Variants in C1orf87 observed in about 807,000 individuals in gnomAD.
C1orf87 encodes uncharacterized protein C1orf87.
A neutral mutation model predicts 60.5 loss-of-function variants in C1orf87; 58 were observed. The observed-to-expected ratio is 0.96, with a 90% confidence interval of 0.78 to 1.19. C1orf87 has a LOEUF of 1.19. Among genes scored for constraint, C1orf87 ranks in the 50% most tolerant of loss-of-function variants. The probability of loss-of-function intolerance (pLI) is 0.00; values close to 1 mark genes in which losing one functional copy is unlikely to be tolerated. For synonymous variants in C1orf87, 236 were observed against 227.4 expected (o/e 1.04, Z -0.34); for missense variants, 673 against 638.6 (o/e 1.05, Z -0.58).
intron 11 of C1orf87, among the ~76,000 whole-genome samples, chr1:59,993,007 T>C (rs1220923149): frequency 6.6e-6 from 1 of 152,206 alleles, no homozygotes; most frequent in African/African-American, 2.4e-5. Context: ...TGTCTAGCTT[T>C]GCTTCCTCTG....
intron 3 of C1orf87, among the ~76,000 whole-genome samples, chr1:60,042,559 G>A (rs542613637): frequency 6.6e-6 from 1 of 152,318 alleles, no homozygotes; most frequent in African/African-American, 2.4e-5. Context: ...ATGACAGAGA[G>A]TTCTGAATAG....
rs1447944930 is a variant in C1orf87, at chr1:60,014,562, C to A, written c.1128-4106G>T. Among the ~76,000 whole-genome samples the A allele has an allele frequency of 3.3e-5, 5 of 151,932 alleles. No homozygotes were observed. The South Asian group carries it at 6.2e-4, about 19-fold the overall frequency. ...TTAAAAAAAACAAACAAACCTAAAG[C>A]ACTAAACACACAAAATATAGGCTAT... On this transcript the variant is annotated intron_variant, in intron 8 of 11. Coordinates refer to ENST00000371201, the MANE Select transcript of C1orf87 (RefSeq NM_152377.3).
At chr1:60,029,994 C>A (rs17120015) in intron 7 of C1orf87, among the ~76,000 whole-genome samples, 1 of 152,250 alleles carries the variant, frequency 6.6e-6, no homozygotes, top group South Asian at 2.1e-4. Context: ...TCAGTGTTTA[C>A]ATCATCTCCT....
intron 3 of C1orf87, among the ~76,000 whole-genome samples, chr1:60,051,538 C>T (rs1387076247): frequency 6.6e-6 from 1 of 152,142 alleles, no homozygotes. Context: ...CACTTTAGAG[C>T]CAAGCCCAGC....
intron 9 of C1orf87, among the ~76,000 whole-genome samples, chr1:60,001,918 T>G (rs1645008972): frequency 6.6e-6 from 1 of 152,106 alleles, no homozygotes. Flanking sequence ...TTCCACAGGA[T>G]GCAGGAAAAA....
chr1:60,056,329 A>G (rs184134990), intron 2 of C1orf87, among the ~76,000 whole-genome samples: 56 of 152,332 alleles, frequency 3.7e-4, no homozygotes, highest in Non-Finnish European at 7.1e-4. Context: ...TAATTCTTAC[A>G]GTGGGTGACC....
intron 11 of C1orf87, among the ~76,000 whole-genome samples, chr1:59,997,159 G>T (rs1045556658): frequency 1.3e-5 from 2 of 152,126 alleles, no homozygotes; most frequent in Admixed American, 6.6e-5. Flanking sequence ...TGGCACAGGC[G>T]TGTGCGAGAC....
At chr1:59,999,853 C>G (rs1372146076) in intron 10 of C1orf87, among the ~76,000 whole-genome samples, 1 of 152,046 alleles carries the variant, frequency 6.6e-6, no homozygotes, top group Non-Finnish European at 1.5e-5. Flanking sequence ...TTTTAAAAAC[C>G]CTTCTTGCCA....
intron 2 of C1orf87, among the ~76,000 whole-genome samples, chr1:60,062,262 C>T (rs1019414729): frequency 1.3e-5 from 2 of 152,154 alleles, no homozygotes; most frequent in African/African-American, 4.8e-5. Flanking sequence ...TCCTTTTTAA[C>T]TAAAGCCATC....
intron 9 of C1orf87, among the ~76,000 whole-genome samples, chr1:60,003,596 A>C (rs1042313990): frequency 1.3e-5 from 2 of 152,108 alleles, no homozygotes; most frequent in Non-Finnish European, 2.9e-5. Flanking sequence ...TTCACATATC[A>C]ATTTAAAAGC....
At chr1:60,040,949 C>G in intron 4 of C1orf87, 42 bp downstream of exon 4, 1 of 1,523,116 alleles carries the variant, frequency 6.6e-7, no homozygotes, top group Non-Finnish European at 8.9e-7. Flanking sequence ...AACACTCCTT[C>G]ATCTACAATA....
chr1:60,017,518 A>G (rs970697081), intron 8 of C1orf87, among the ~76,000 whole-genome samples: 1 of 152,088 alleles, frequency 6.6e-6, no homozygotes, highest in African/African-American at 2.4e-5. Context: ...CCCCAACACA[A>G]TTTGGCTTGT....
intron 3 of C1orf87, among the ~76,000 whole-genome samples, chr1:60,049,412 G>A (rs1252290776): frequency 6.6e-6 from 1 of 151,996 alleles, no homozygotes; most frequent in Non-Finnish European, 1.5e-5. Flanking sequence ...TCTGTGAACT[G>A]CCTGTTCATG....
At chr1:60,038,356 T>G (rs1319838556) in intron 5 of C1orf87, among the ~76,000 whole-genome samples, 1 of 152,102 alleles carries the variant, frequency 6.6e-6, no homozygotes, top group Non-Finnish European at 1.5e-5. Context: ...TTCTGGCCAA[T>G]GAGTTATAAC....
At chr1:60,014,316 T>A (rs1277078359) in intron 8 of C1orf87, among the ~76,000 whole-genome samples, 1 of 152,164 alleles carries the variant, frequency 6.6e-6, no homozygotes, top group Non-Finnish European at 1.5e-5. Context: ...TTTCTGCACT[T>A]CTTATGGGTG....
chr1:60,033,628 G>A lies in C1orf87; in HGVS notation c.877C>T (p.His293Tyr). ...GTHSQSTPPQ[H>Y]SSSQPEVNRS... ...TTCACTTCTGGCTGTGAGCTGGAGTGCTGAGGTGGAGTGCTGATTGTAGGG... is the reference window on the plus strand; with the variant it reads ...TTCACTTCTGGCTGTGAGCTGGAGTACTGAGGTGGAGTGCTGATTGTAGGG... Residue 293 changes from histidine to tyrosine, a missense_variant, in exon 7 of 12, where the codon CAC (histidine) becomes TAC (tyrosine). Transcript: ENST00000371201. The A allele has an allele frequency of 6.2e-7, 1 of 1,612,358 alleles. No homozygotes were observed. Among genetic ancestry groups the A allele is most frequent in the Non-Finnish European group, 8.5e-7 (1 of 1,179,168 alleles).
chr1:60,003,276 T>A (rs1574295115), intron 9 of C1orf87, among the ~76,000 whole-genome samples: 1 of 124,846 alleles, frequency 8.0e-6, no homozygotes, highest in South Asian at 2.6e-4. Context: ...AACAATGAGA[T>A]CACATGGACA....
Position 60,054,789 on chromosome 1 carries a change from AT to A in C1orf87, c.342+414del, listed in dbSNP as rs921953051. 9.9e-5 allele frequency among the ~76,000 whole-genome samples: 15 copies of A among 151,688 alleles called. No individual in the cohort carries two copies. The South Asian group carries it at 1.0e-3, about 11-fold the overall frequency. On this transcript the variant is annotated intron_variant, in intron 3 of 11. Transcript: ENST00000371201. ...CTATCAACAGAGTTTGGGGCCTATAATTTTTTTTTGTAATTAGACATGGTTG... is the reference window on the plus strand; with the variant it reads ...CTATCAACAGAGTTTGGGGCCTATAATTTTTTTTGTAATTAGACATGGTTG...
At chr1:60,053,672 A>G (rs1645430736) in intron 3 of C1orf87, among the ~76,000 whole-genome samples, 1 of 152,296 alleles carries the variant, frequency 6.6e-6, no homozygotes, top group East Asian at 1.9e-4. Flanking sequence ...AAAGAGGAAG[A>G]AAGGAAAAGA....
Sources: allele counts gnomAD v4.1 joint callset (sites outside exome capture counted in the v4.1 genomes callset), GRCh38; gene constraint gnomAD v4.1.1; transcripts MANE v1.5; gene names NCBI Gene and HGNC (gene_info 2026-07-23, HGNC 2026-07-21).